Variants in PARD3B observed in about 807,000 individuals in gnomAD.
PARD3B encodes the protein par-3 family cell polarity regulator beta.
A neutral mutation model predicts 130.2 loss-of-function variants in PARD3B; 103 were observed. The ratio of observed to expected loss-of-function variants is 0.79; its 90% confidence interval spans 0.67 to 0.93. The LOEUF (loss-of-function observed/expected upper bound fraction) is 0.93. Ranked by LOEUF, PARD3B falls within the 40% of genes least tolerant of loss-of-function variation. PARD3B has a pLI of 0.00. For synonymous variants in PARD3B, 583 were observed against 553.2 expected, an observed-to-expected ratio of 1.05 and a Z score of -0.76; for missense variants, 1,609 against 1,499.2, an observed-to-expected ratio of 1.07 and a Z score of -1.21.
intron 18 of PARD3B, among the ~76,000 whole-genome samples, chr2:205,317,417 AC>A (rs1299850421): frequency 4.6e-5 from 7 of 152,202 alleles, no homozygotes; most frequent in Admixed American, 6.5e-5. Flanking sequence ...GTGAAATGGC[AC>A]TGAATTCAGG....
chr2:205,519,556 A>G (rs1221172073), intron 21 of PARD3B, among the ~76,000 whole-genome samples: 1 of 152,124 alleles, frequency 6.6e-6, no homozygotes, highest in East Asian at 1.9e-4. Context: ...ATTCCTATCC[A>G]TATTCTGAAT....
At chr2:204,881,175 G>GT (rs1200290008) in intron 2 of PARD3B, among the ~76,000 whole-genome samples, 2 of 152,160 alleles carry the variant, frequency 1.3e-5, no homozygotes, top group Non-Finnish European at 2.9e-5. Context: ...TAGCTACTCA[G>GT]TTTTTTCTTT....
Position 205,142,685 on chromosome 2 carries a change from C to G in PARD3B, c.1435-16037C>G, listed in dbSNP as rs1473653503. On this transcript the variant is annotated intron_variant, in intron 10 of 22. Transcript: ENST00000406610. The surrounding 1 kb of genome is among the most constrained non-coding windows in gnomAD (Gnocchi z 4.3). ...AAGAGGTCAGGAGTTTGAGACCAAC[C>G]TGGTCAACATGGTGAAACCCCGTCT... 6.6e-6 allele frequency among the ~76,000 whole-genome samples: 1 copy of G among 152,000 alleles called. No individual in the cohort carries two copies. The highest frequency in any genetic ancestry group is 6.6e-5 in the Admixed American group (1 of 15,266).
rs2043899540 is a variant in PARD3B at position 205,349,123 on chromosome 2, T to C, written c.2630+47422T>C. Among the ~76,000 whole-genome samples the C allele has an allele frequency of 2.0e-5, 3 of 152,234 alleles. 1 individual carries two copies. The highest frequency in any genetic ancestry group is 2.0e-4 in the Admixed American group (3 of 15,288). Reference sequence around the variant, plus strand: ...GCCTCTCCTGCACATCCTTGTGTGATGTCCTTTATTAATAAATGATGCCTG... The same window carrying C: ...GCCTCTCCTGCACATCCTTGTGTGACGTCCTTTATTAATAAATGATGCCTG... On this transcript the variant is annotated intron_variant, in intron 18 of 22. Coordinates refer to ENST00000406610, the MANE Select transcript of PARD3B (RefSeq NM_001302769.2).
chr2:204,986,258 G>C (rs1166729341), intron 3 of PARD3B, among the ~76,000 whole-genome samples: 1 of 152,072 alleles, frequency 6.6e-6, no homozygotes, highest in Non-Finnish European at 1.5e-5. Flanking sequence ...CTCAGGGCCT[G>C]CCAGTATGTA....
chr2:204,935,373 C>A (rs967097303), intron 2 of PARD3B, among the ~76,000 whole-genome samples: 47 of 128,964 alleles, frequency 3.6e-4, no homozygotes, highest in South Asian at 5.1e-4. Context: ...ACTAAAAATA[C>A]AAAAAAAAAA....
At chr2:205,359,078 A>G (rs895200394) in intron 18 of PARD3B, among the ~76,000 whole-genome samples, 1 of 152,210 alleles carries the variant, frequency 6.6e-6, no homozygotes, top group Non-Finnish European at 1.5e-5. Flanking sequence ...TAGTAAATCT[A>G]TAATGTTTGG....
At chr2:204,577,993 A>G (rs1175847593) in intron 1 of PARD3B, among the ~76,000 whole-genome samples, 1 of 152,236 alleles carries the variant, frequency 6.6e-6, no homozygotes, top group Admixed American at 6.5e-5. Context: ...TGGTTATCAC[A>G]GCAAGTGAGA....
chr2:204,752,391 C>G (rs1016855445), intron 2 of PARD3B, among the ~76,000 whole-genome samples: 17 of 152,140 alleles, frequency 1.1e-4, no homozygotes, highest in African/African-American at 4.1e-4. Flanking sequence ...TTACCTATTG[C>G]TGCAGCTGTT....
chr2:205,143,919 A>G (rs1008851671), intron 10 of PARD3B, among the ~76,000 whole-genome samples: 2 of 152,212 alleles, frequency 1.3e-5, no homozygotes, highest in African/African-American at 4.8e-5. Flanking sequence ...TATAAATTCT[A>G]TAATATATCA....
At chr2:205,362,772 C>G (rs1009272804) in intron 18 of PARD3B, among the ~76,000 whole-genome samples, 9 of 152,152 alleles carry the variant, frequency 5.9e-5, no homozygotes, top group Admixed American at 5.2e-4. Context: ...AAATGAAGGG[C>G]AGAGGCAGAT....
intron 18 of PARD3B, among the ~76,000 whole-genome samples, chr2:205,330,745 G>A (rs1295138535): frequency 6.6e-6 from 1 of 152,226 alleles, no homozygotes; most frequent in Non-Finnish European, 1.5e-5. Context: ...AGGTGGGACA[G>A]TTCTTAAAAC....
At chr2:205,012,556 G>T (rs1229102699) in intron 3 of PARD3B, among the ~76,000 whole-genome samples, 2 of 152,158 alleles carry the variant, frequency 1.3e-5, no homozygotes, top group Non-Finnish European at 2.9e-5. Flanking sequence ...AGGTGAAAAT[G>T]GTCAGTAGTA....
Position 204,799,240 on chromosome 2 carries a change from G to GA in PARD3B, c.222+112958_222+112959insA, listed in dbSNP as rs2042479889. ...CATCTGCAGTAGCCAGGCAGTACTT[G>GA]CCCTGGGCCTGGGTCGCTGGTGGCT... On this transcript the variant is annotated intron_variant, in intron 2 of 22. Coordinates refer to ENST00000406610, the MANE Select transcript of PARD3B (RefSeq NM_001302769.2). This position sits in a 1 kb window ranked among gnomAD's most constrained non-coding sequence, Gnocchi z 4.1. Among the ~76,000 whole-genome samples the GA allele has an allele frequency of 6.6e-6, 1 of 152,282 alleles. No homozygotes were observed. The highest frequency in any genetic ancestry group is 1.9e-4 in the East Asian group (1 of 5,148).
intron 20 of PARD3B, among the ~76,000 whole-genome samples, chr2:205,489,659 T>C (rs2049613744): frequency 6.6e-6 from 1 of 151,766 alleles, no homozygotes; most frequent in African/African-American, 2.4e-5. Context: ...ATTTTATGAC[T>C]GATGGCAAAA....
intron 18 of PARD3B, among the ~76,000 whole-genome samples, chr2:205,326,451 A>G (rs1219407248): frequency 6.6e-6 from 1 of 152,192 alleles, no homozygotes; most frequent in African/African-American, 2.4e-5. Context: ...TTTTTAGGGC[A>G]TCATTGCCTG....
At chr2:205,159,664 A>G (rs2034395260) in intron 11 of PARD3B, among the ~76,000 whole-genome samples, 1 of 152,214 alleles carries the variant, frequency 6.6e-6, no homozygotes. Context: ...GATGAAAACA[A>G]TAAAGTGATG....
intron 4 of PARD3B, among the ~76,000 whole-genome samples, chr2:205,080,578 G>A (rs1400145085): frequency 2.0e-5 from 3 of 151,994 alleles, no homozygotes; most frequent in African/African-American, 7.2e-5. Flanking sequence ...TACTCTTGAT[G>A]AATATTTGAA....
chr2:205,317,513 T>C (rs2042602296), intron 18 of PARD3B, among the ~76,000 whole-genome samples: 1 of 152,152 alleles, frequency 6.6e-6, no homozygotes, highest in African/African-American at 2.4e-5. Flanking sequence ...TTGGTTTGAA[T>C]TAGGGTAACC....
Sources: gnomAD v4.1 joint callset for allele counts (sites outside exome capture counted in the v4.1 genomes callset) on GRCh38, gnomAD v4.1.1 for gene constraint, Gnocchi (gnomAD v3.1) non-coding constraint, MANE v1.5 for transcripts, NCBI Gene and HGNC (gene_info 2026-07-23, HGNC 2026-07-21) for gene names.